Variants in MAD1L1 observed in about 807,000 individuals in gnomAD.
MAD1L1 encodes mitotic spindle assembly checkpoint protein MAD1.
In MAD1L1, 95 loss-of-function variants were observed where a neutral mutation model predicts 96.9. The ratio of observed to expected loss-of-function variants is 0.98; its 90% CI spans 0.83 to 1.16. The LOEUF is 1.16. Among genes scored for constraint, MAD1L1 ranks in the 50% most tolerant of loss-of-function variants. MAD1L1 has a pLI of 0.00. For synonymous variants in MAD1L1, 473 were observed against 396.6 expected, an observed-to-expected ratio of 1.19 and a Z score of -2.29; for missense variants, 1,007 against 954.4, an observed-to-expected ratio of 1.06 and a Z score of -0.73.
intron 15 of MAD1L1, among the ~76,000 whole-genome samples, chr7:1,967,767 G>A (rs1383465484): frequency 6.6e-6 from 1 of 152,362 alleles, no homozygotes; most frequent in African/African-American, 2.4e-5. Context: ...GGCCGGCCGC[G>A]GGGAGATCAC....
intron 11 of MAD1L1, among the ~76,000 whole-genome samples, chr7:2,115,603 C>T (rs1324211160): frequency 6.6e-6 from 1 of 151,668 alleles, no homozygotes; most frequent in African/African-American, 2.4e-5. Context: ...GGACAGGGTC[C>T]CCGCGTGTTC....
At chr7:1,902,626 T>A (rs193133283) in intron 17 of MAD1L1, among the ~76,000 whole-genome samples, 22 of 152,324 alleles carry the variant, frequency 1.4e-4, no homozygotes, top group African/African-American at 5.3e-4. Flanking sequence ...GGGCCTGAGC[T>A]ATACCCACGC....
chr7:1,875,878 T>C (rs1416209887), intron 18 of MAD1L1, among the ~76,000 whole-genome samples: 1 of 152,170 alleles, frequency 6.6e-6, no homozygotes, highest in Non-Finnish European at 1.5e-5. Context: ...ATGAAGGTCA[T>C]AAGGGTGGGT....
At chr7:1,965,557 C>T (rs375315203) in intron 15 of MAD1L1, among the ~76,000 whole-genome samples, 7 of 152,336 alleles carry the variant, frequency 4.6e-5, no homozygotes, top group East Asian at 1.9e-4. Flanking sequence ...ACCTGGGGGC[C>T]GGAAAAGAAA....
intron 17 of MAD1L1, among the ~76,000 whole-genome samples, chr7:1,910,121 T>G (rs370006654): frequency 1.5e-4 from 23 of 152,112 alleles, no homozygotes; most frequent in East Asian, 1.2e-3. Context: ...GATATCATAT[T>G]TGGAGAAGAA....
intron 16 of MAD1L1, among the ~76,000 whole-genome samples, chr7:1,946,602 C>G (rs534276086): frequency 6.6e-6 from 1 of 152,244 alleles, no homozygotes; most frequent in Admixed American, 6.5e-5. Flanking sequence ...ACTTGCAGAG[C>G]GAGCAGGCGC....
At chr7:2,043,062 A>G (rs1415482177) in intron 12 of MAD1L1, among the ~76,000 whole-genome samples, 1 of 152,120 alleles carries the variant, frequency 6.6e-6, no homozygotes, top group Non-Finnish European at 1.5e-5. Flanking sequence ...TACTCTCCAC[A>G]ATCTCTTTAT....
At chr7:1,854,329 G>A (rs1413568154) in intron 18 of MAD1L1, 2 of 464,124 alleles carry the variant, frequency 4.3e-6, no homozygotes, top group Non-Finnish European at 8.6e-6. Flanking sequence ...GGCCCCGGCA[G>A]CTCGTCCCCA....
chr7:2,224,042 C>T (rs778718336), intron 4 of MAD1L1, among the ~76,000 whole-genome samples: 5 of 152,244 alleles, frequency 3.3e-5, no homozygotes, highest in Admixed American at 6.5e-5. Context: ...ACAGGGTTCC[C>T]GGAGACCCTA....
chr7:2,020,419 C>A (rs1782737576), intron 12 of MAD1L1, among the ~76,000 whole-genome samples: 1 of 152,252 alleles, frequency 6.6e-6, no homozygotes, highest in African/African-American at 2.4e-5. Flanking sequence ...TCTGACCCTG[C>A]AGTTCCCAGC....
chr7:2,197,447 G>C (rs1453462307), intron 10 of MAD1L1, among the ~76,000 whole-genome samples: 1 of 152,168 alleles, frequency 6.6e-6, no homozygotes, highest in African/African-American at 2.4e-5. Context: ...GAGGCTTCTA[G>C]CCTCTCCTCA....
intron 17 of MAD1L1, among the ~76,000 whole-genome samples, chr7:1,916,425 G>A (rs998669372): frequency 6.6e-6 from 1 of 152,192 alleles, no homozygotes; most frequent in Non-Finnish European, 1.5e-5. Flanking sequence ...AGCACGCTGG[G>A]CAGTACAGAA....
chr7:2,011,557 C>A (rs532375162), intron 13 of MAD1L1, among the ~76,000 whole-genome samples: 3 of 152,312 alleles, frequency 2.0e-5, no homozygotes, highest in South Asian at 4.1e-4. Flanking sequence ...AAAGGCAGGG[C>A]ACAGGCTCCG....
At chr7:1,825,055 A>G (rs1782321634) in intron 18 of MAD1L1, among the ~76,000 whole-genome samples, 1 of 152,130 alleles carries the variant, frequency 6.6e-6, no homozygotes, top group African/African-American at 2.4e-5. Flanking sequence ...ACGGAAAGTG[A>G]CTCATGGTTC....
chr7:2,084,001 C>T (rs781244655), intron 11 of MAD1L1, among the ~76,000 whole-genome samples: 2 of 152,176 alleles, frequency 1.3e-5, no homozygotes, highest in African/African-American at 2.4e-5. Flanking sequence ...AGTGAAGGTC[C>T]GGTTTTCCAC....
chr7:2,057,266 C>T (rs1215632171), intron 12 of MAD1L1, among the ~76,000 whole-genome samples: 1 of 152,224 alleles, frequency 6.6e-6, no homozygotes, highest in Non-Finnish European at 1.5e-5. Flanking sequence ...TGCCTCATGC[C>T]TGTAATCCCA....
intron 10 of MAD1L1, among the ~76,000 whole-genome samples, chr7:2,159,478 A>C (rs1375171213): frequency 6.6e-6 from 1 of 152,162 alleles, no homozygotes; most frequent in Non-Finnish European, 1.5e-5. Context: ...CCTTCACAGA[A>C]CACCACCAGC....
At chr7:2,105,320 G>A (rs573508198) in intron 11 of MAD1L1, among the ~76,000 whole-genome samples, 1 of 152,208 alleles carries the variant, frequency 6.6e-6, no homozygotes, top group East Asian at 1.9e-4. Context: ...GAGTGAGGGG[G>A]CCCAGCTAAG....
chr7:2,153,388 A>C lies in MAD1L1; in HGVS notation c.987-4150T>G, dbSNP rs59634162. On this transcript the variant is annotated intron_variant, in intron 10 of 18. Coordinates refer to ENST00000265854, the MANE Select transcript of MAD1L1 (RefSeq NM_001013836.2). The stretch of plus-strand genomic sequence containing the variant: ...CCACGAAAAAGTAGGCAAAGGACAC[A>C]AAGAGACATTTCTCAAAGGATGACA... Among the ~76,000 whole-genome samples, 1,387 of 152,360 alleles carry C rather than the reference A, an allele frequency of 9.1e-3. 17 individuals are homozygous for C. Among genetic ancestry groups the C allele is most frequent in the African/African-American group, 0.032 (1,325 of 41,572 alleles).
Sources: gnomAD v4.1 joint callset for allele counts (sites outside exome capture counted in the v4.1 genomes callset) on GRCh38, gnomAD v4.1.1 for gene constraint, MANE v1.5 for transcripts, NCBI Gene and HGNC (gene_info 2026-07-23, HGNC 2026-07-21) for gene names.